Variants in PIP5K1C observed in about 807,000 individuals in gnomAD.
PIP5K1C encodes the protein phosphatidylinositol-4-phosphate 5-kinase type 1 gamma.
Under a neutral mutation model 80.1 loss-of-function variants are expected in PIP5K1C, and 45 were observed. That is an observed-to-expected ratio of 0.56 (90% CI 0.44 to 0.72). The LOEUF is 0.72. Among genes scored for constraint, PIP5K1C ranks in the 30% least tolerant of loss-of-function variants. The pLI is 0.00. For synonymous variants in PIP5K1C, 498 were observed against 420.1 expected (o/e 1.19, Z -2.27); for missense variants, 753 against 954.6 (o/e 0.79, Z 2.78).
intron 1 of PIP5K1C, among the ~76,000 whole-genome samples, chr19:3,668,780 G>C (rs559398819): frequency 2.0e-5 from 3 of 152,310 alleles, no homozygotes; most frequent in Admixed American, 1.3e-4. Flanking sequence ...ATCAGCAAGG[G>C]GGGGCTTCCC....
At chr19:3,697,695 G>A (rs560452884) in intron 1 of PIP5K1C, among the ~76,000 whole-genome samples, 1 of 152,112 alleles carries the variant, frequency 6.6e-6, no homozygotes, top group African/African-American at 2.4e-5. Flanking sequence ...CAGATCAGCC[G>A]TGGGAGTGGG....
intron 1 of PIP5K1C, among the ~76,000 whole-genome samples, chr19:3,670,335 G>C (rs113129872): frequency 3.3e-5 from 5 of 152,314 alleles, no homozygotes; most frequent in African/African-American, 1.2e-4. Flanking sequence ...ATGCCGGAGT[G>C]GGGTGGGCCC....
At chr19:3,659,446 G>A (rs1203941440) in intron 5 of PIP5K1C, among the ~76,000 whole-genome samples, 7 of 152,338 alleles carry the variant, frequency 4.6e-5, no homozygotes, top group African/African-American at 1.2e-4. Flanking sequence ...GCCCCAGATC[G>A]GCTTTTATCC....
At chr19:3,682,061 G>A (rs2035606398) in intron 1 of PIP5K1C, among the ~76,000 whole-genome samples, 1 of 152,010 alleles carries the variant, frequency 6.6e-6, no homozygotes, top group African/African-American at 2.4e-5. Context: ...CAAAGAGAAG[G>A]TGCCTAACAT....
Position 3,648,120 on chromosome 19 carries a change from G to A in PIP5K1C, c.1211+505C>T, listed in dbSNP as rs1231722954. ...CACTGCTGCAGCCCCAGACTCCTGG[G>A]CCCAAGGAATCCTCCTGCCTCGGCC... On this transcript the variant is annotated intron_variant, in intron 9 of 17. Coordinates refer to ENST00000335312, the MANE Select transcript of PIP5K1C (RefSeq NM_012398.3). This position sits in a 1 kb window ranked among gnomAD's most constrained non-coding sequence, Gnocchi z 4.3. 6.6e-6 allele frequency among the ~76,000 whole-genome samples: 1 copy of A among 152,076 alleles called. No homozygotes were observed. The highest frequency in any genetic ancestry group is 1.5e-5 in the Non-Finnish European group (1 of 67,998).
Position 3,644,147 on chromosome 19 carries a change from G to A in PIP5K1C, c.1450C>T (p.Arg484Trp), listed in dbSNP as rs368186552. The part of the protein sequence containing the change: ...AFSASQIPSE[R>W]EEAQYDLRGA... ...CGCAGGTCGTACTGGGCCTCCTCCC[G>A]CTCGCTAGGGATCTGGCTGGCCGAG... Residue 484 changes from arginine (R) to tryptophan (W), a missense_variant, in exon 12 of 18, where the codon CGG (arginine) becomes TGG (tryptophan). Physicochemically the swap from Arg to Trp is moderately radical, Grantham distance 101. Transcript: ENST00000335312. 4 of 1,611,894 alleles carry A rather than the reference G, an allele frequency of 2.5e-6. No individual in the cohort carries two copies. The highest frequency in any genetic ancestry group is 2.2e-5 in the South Asian group (2 of 91,072).
At chr19:3,654,474 C>T (rs1413267764) in intron 6 of PIP5K1C, among the ~76,000 whole-genome samples, 1 of 152,202 alleles carries the variant, frequency 6.6e-6, no homozygotes, top group African/African-American at 2.4e-5. Context: ...ATCCGGCCAC[C>T]ACCTATTTTT....
chr19:3,643,423 C>G, intron 12 of PIP5K1C, 42 bp from the exon 13 acceptor site: 3 of 1,609,680 alleles, frequency 1.9e-6, no homozygotes, highest in Non-Finnish European at 1.7e-6. Flanking sequence ...AGCCTCCGAG[C>G]CCCCAAACAC....
At chr19:3,693,940 C>T (rs371564445) in intron 1 of PIP5K1C, among the ~76,000 whole-genome samples, 18 of 151,074 alleles carry the variant, frequency 1.2e-4, no homozygotes, top group African/African-American at 2.9e-4. Context: ...AGGCTGGGCG[C>T]GGTGGCTCAC....
In PIP5K1C at chr19:3,646,039, C is replaced by T. The variant is rs1170288778; in HGVS notation, c.1280G>A (p.Arg427His). ...AAAGCGCTCGGCATAGAAGCTGGGG[C>T]GGTGGACGGACACCGTGTCCTGGAA... ...VHDGDTVSVHRPSFYAERFFK... is the reference protein window; with the variant it reads ...VHDGDTVSVHHPSFYAERFFK... The change falls in exon 11 of 18, where the codon CGC (arginine) becomes CAC (histidine). Residue 427 changes from arginine to histidine, a missense_variant. Arg to His is a conservative substitution (Grantham distance 29). This residue lies in a region of PIP5K1C where 114 missense variants were observed against 152.4 expected (regional missense o/e 0.75). Transcript: ENST00000335312. 1 of 1,610,456 alleles carries T rather than the reference C, an allele frequency of 6.2e-7. No individual in the cohort carries two copies. Among genetic ancestry groups the T allele is most frequent in the Non-Finnish European group, 8.5e-7 (1 of 1,178,728 alleles).
At chr19:3,644,710 C>T (rs2034138761) in intron 11 of PIP5K1C, among the ~76,000 whole-genome samples, 1 of 152,230 alleles carries the variant, frequency 6.6e-6, no homozygotes, top group South Asian at 2.1e-4. Context: ...TCCAGGCTCA[C>T]CCGCTGGCTG....
chr19:3,637,210 CTGGGTCCAGGGG>C lies in PIP5K1C; in HGVS notation c.1920+1662_1920+1673del. On this transcript the variant is annotated intron_variant, in intron 16 of 17. Transcript: ENST00000335312. The surrounding 1 kb of genome is among the most constrained non-coding windows in gnomAD (Gnocchi z 7.0). ...CCCAAGACACCCTGACACGAGAGGG[CTGGGTCCAGGGG>C]CAGAGAGGGGCTCGCTGGGGTCTGG... 7.0e-7 allele frequency: 1 copy of C among 1,434,714 alleles called. No homozygotes were observed. Among genetic ancestry groups the C allele is most frequent in the South Asian group, 1.5e-5 (1 of 67,316 alleles). The allele number at this position is 1,434,714 out of a possible 1,614,324, so 88.9% of individuals were successfully genotyped here.
At chr19:3,640,582 G>GT (rs1462320563) in intron 15 of PIP5K1C, among the ~76,000 whole-genome samples, 3 of 151,830 alleles carry the variant, frequency 2.0e-5, no homozygotes, top group Admixed American at 1.3e-4. Context: ...TGTGTCCTGT[G>GT]TTTTTTAAAA....
chr19:3,662,974 G>A lies in PIP5K1C; in HGVS notation c.220-973C>T, dbSNP rs568090823. 1.5e-3 allele frequency among the ~76,000 whole-genome samples: 224 copies of A among 152,204 alleles called. 2 individuals are homozygous for A. Among genetic ancestry groups the A allele is most frequent in the African/African-American group, 5.1e-3 (213 of 41,514 alleles). Reference sequence around the variant, plus strand: ...CCTCCTGGGTTCAAGCTATTCTCCCGCCTCAGCCTCCCAAGAGCTGGGATT... The same window carrying A: ...CCTCCTGGGTTCAAGCTATTCTCCCACCTCAGCCTCCCAAGAGCTGGGATT... On this transcript the variant is annotated intron_variant, in intron 3 of 17. Coordinates refer to ENST00000335312, the MANE Select transcript of PIP5K1C (RefSeq NM_012398.3).
At chr19:3,670,993 C>T (rs114374798) in intron 1 of PIP5K1C, among the ~76,000 whole-genome samples, 1,771 of 152,348 alleles carry the variant, frequency 0.012, 31 homozygotes, top group African/African-American at 0.039. Context: ...TGGACGCTGA[C>T]GTGATGTTTG....
intron 16 of PIP5K1C, chr19:3,636,462 TTTCA>T: frequency 1.0e-6 from 1 of 985,572 alleles, no homozygotes; most frequent in Non-Finnish European, 1.2e-6. Context: ...GTCAGGTGTT[TTTCA>T]AAGTCCAAGC....
rs925867083 is a variant in PIP5K1C at position 3,633,093 on chromosome 19, C to T, written c.*74G>A. On this transcript the variant is annotated 3_prime_UTR_variant, in exon 18 of 18. Coordinates refer to ENST00000335312, the MANE Select transcript of PIP5K1C (RefSeq NM_012398.3). ...GCATCTCCCGAGCTCTGGGCCTCAG[C>T]GGGGTGGGCAGCGCCTTCGGGGGCA... 41 of 716,376 alleles carry T rather than the reference C, an allele frequency of 5.7e-5. 1 individual carries two copies. Among genetic ancestry groups the T allele is most frequent in the Middle Eastern group, 2.4e-4 (1 of 4,142 alleles). 44.4% of individuals were successfully genotyped at this position (716,376 alleles called of 1,614,324 possible). A position where few individuals can be genotyped will look rare whatever the true frequency, so the allele number is the denominator to read the frequency against.
chr19:3,684,661 G>A lies in PIP5K1C; in HGVS notation c.94+15636C>T, dbSNP rs139224567. Among the ~76,000 whole-genome samples the A allele has an allele frequency of 5.3e-3, 810 of 152,342 alleles. 11 individuals are homozygous for A. Among genetic ancestry groups the A allele is most frequent in the African/African-American group, 0.018 (768 of 41,582 alleles). Reference sequence around the variant, plus strand: ...AAACTGACAGCAAAAGCACTGCAGCGTGAAGCCTCTCAGTGTGGCAGTGGT... The same window carrying A: ...AAACTGACAGCAAAAGCACTGCAGCATGAAGCCTCTCAGTGTGGCAGTGGT... On this transcript the variant is annotated intron_variant, in intron 1 of 17. Coordinates refer to ENST00000335312, the MANE Select transcript of PIP5K1C (RefSeq NM_012398.3).
At chr19:3,680,856 C>G (rs77583030) in intron 1 of PIP5K1C, among the ~76,000 whole-genome samples, 1 of 152,164 alleles carries the variant, frequency 6.6e-6, no homozygotes, top group African/African-American at 2.4e-5. Context: ...AGGGGAGACT[C>G]TGCCCTCCAG....
Sources: allele counts gnomAD v4.1 joint callset (sites outside exome capture counted in the v4.1 genomes callset), GRCh38; gene constraint gnomAD v4.1.1; regional missense constraint gnomAD v4.1.1; non-coding constraint Gnocchi (gnomAD v3.1); transcripts MANE v1.5; gene names NCBI Gene and HGNC (gene_info 2026-07-23, HGNC 2026-07-21).